Variants in PARD3 observed in about 807,000 individuals in gnomAD.
PARD3 encodes the protein par-3 family cell polarity regulator.
Under a neutral mutation model 155.4 loss-of-function variants are expected in PARD3, and 75 were observed. The ratio of observed to expected loss-of-function variants is 0.48; its 90% CI spans 0.40 to 0.58. The LOEUF (loss-of-function observed/expected upper bound fraction) is 0.58, where lower values mean the gene tolerates loss of function less well. Ranked by LOEUF, PARD3 falls within the 20% of genes least tolerant of loss-of-function variation. The pLI is 0.00. For missense variants in PARD3, 1,642 were observed against 1,721.7 expected, an observed-to-expected ratio of 0.95 and a Z score of 0.82; for synonymous variants, 576 against 610.5, an observed-to-expected ratio of 0.94 and a Z score of 0.83.
intron 2 of PARD3, among the ~76,000 whole-genome samples, chr10:34,611,807 CTTTTTTTTT>C (rs397829689): frequency 1.8e-5 from 2 of 109,236 alleles, no homozygotes; most frequent in South Asian, 3.2e-4. Flanking sequence ...ACATTTCTTT[CTTTTTTTTT>C]TTTTTTTTTT....
At chr10:34,512,022 C>T (rs1297263454) in intron 3 of PARD3, among the ~76,000 whole-genome samples, 2 of 152,184 alleles carry the variant, frequency 1.3e-5, no homozygotes, top group Non-Finnish European at 2.9e-5. Context: ...TTAGGCCACA[C>T]CTCCCAACAC....
At chr10:34,373,823 A>T (rs950176885) in intron 11 of PARD3, among the ~76,000 whole-genome samples, 1 of 151,852 alleles carries the variant, frequency 6.6e-6, no homozygotes, top group Non-Finnish European at 1.5e-5. Context: ...TATGACTAAA[A>T]TTTTTTCATT....
Position 34,341,750 on chromosome 10 carries a change from C to T in PARD3, c.2285G>A (p.Arg762Lys). The change falls in exon 16 of 25, where the codon AGG becomes AAG. Residue 762 changes from arginine (R) to lysine (K), a missense_variant. By Grantham distance (26) the Arg-to-Lys change is conservative. Transcript: ENST00000374788. Reference sequence around the variant, plus strand: ...GAGATGTGGAGGAAGCACTGGCAACCTGTCATCTTCTATAATGACAGTGTC... The same window carrying T: ...GAGATGTGGAGGAAGCACTGGCAACTTGTCATCTTCTATAATGACAGTGTC... ...QDDTVIIEDD[R>K]LPVLPPHLSD... 6.2e-7 allele frequency: 1 copy of T among 1,613,454 alleles called. No individual in the cohort carries two copies. The highest frequency in any genetic ancestry group is 2.2e-5 in the East Asian group (1 of 44,862).
chr10:34,787,948 AT>A lies in PARD3; in HGVS notation c.120+26927del, dbSNP rs1166169945. On this transcript the variant is annotated intron_variant, in intron 1 of 24. Coordinates refer to ENST00000374788, the MANE Select transcript of PARD3 (RefSeq NM_001184785.2). ...GGAACACAACCACCATGCCCAGCTAATTTTTTTTTTTTTTTTGTAGAGACAG... is the reference window on the plus strand; with the variant it reads ...GGAACACAACCACCATGCCCAGCTAATTTTTTTTTTTTTTTGTAGAGACAG... 9.4e-3 allele frequency among the ~76,000 whole-genome samples: 1,329 copies of A among 141,232 alleles called. 2 individuals are homozygous for A. The highest frequency in any genetic ancestry group is 0.038 in the Middle Eastern group (10 of 266). 92.7% of individuals were successfully genotyped at this position (141,232 alleles called of 152,430 possible).
chr10:34,377,703 G>A (rs1156473216), intron 10 of PARD3, among the ~76,000 whole-genome samples: 1 of 152,080 alleles, frequency 6.6e-6, no homozygotes, highest in Admixed American at 6.5e-5. Context: ...GAGGCAAGAG[G>A]ATCGCCTGAG....
chr10:34,650,915 G>GCAGGA (rs1200461139), intron 2 of PARD3, among the ~76,000 whole-genome samples: 1 of 149,804 alleles, frequency 6.7e-6, no homozygotes, highest in African/African-American at 2.5e-5. Flanking sequence ...GGAGGCTGAG[G>GCAGGA]CAGGAAAATC....
intron 1 of PARD3, among the ~76,000 whole-genome samples, chr10:34,751,885 A>C (rs374474788): frequency 1.3e-4 from 20 of 151,830 alleles, no homozygotes; most frequent in African/African-American, 4.6e-4. Context: ...TGGGATTACC[A>C]ACCTGGGCCA....
chr10:34,787,210 C>G (rs1841076363), intron 1 of PARD3, among the ~76,000 whole-genome samples: 1 of 152,110 alleles, frequency 6.6e-6, no homozygotes, highest in African/African-American at 2.4e-5. Context: ...AAAACCCCAA[C>G]TCTACTAACA....
At chr10:34,191,669 G>C (rs948897986) in intron 22 of PARD3, among the ~76,000 whole-genome samples, 5 of 150,498 alleles carry the variant, frequency 3.3e-5, no homozygotes, top group African/African-American at 1.2e-4. Context: ...TGAAGATGGG[G>C]TCTGGGAGCC....
chr10:34,655,485 G>T (rs1210922043), intron 2 of PARD3, among the ~76,000 whole-genome samples: 1 of 152,138 alleles, frequency 6.6e-6, no homozygotes, highest in East Asian at 1.9e-4. Context: ...CTGGAGAAAA[G>T]TGCAGAATGG....
intron 1 of PARD3, among the ~76,000 whole-genome samples, chr10:34,738,843 G>A (rs1181391108): frequency 1.3e-5 from 2 of 152,044 alleles, no homozygotes; most frequent in African/African-American, 4.8e-5. Flanking sequence ...TCAAGGGGAG[G>A]AAGCCTATTG....
At chr10:34,711,503 G>C (rs2094448624) in intron 1 of PARD3, among the ~76,000 whole-genome samples, 1 of 152,176 alleles carries the variant, frequency 6.6e-6, no homozygotes, top group African/African-American at 2.4e-5. Context: ...CCTGGGCACA[G>C]GGCGAGACTC....
At chr10:34,383,022 C>T (rs1392453861) in intron 8 of PARD3, 100 bp from the exon 9 acceptor site, 2 of 1,334,324 alleles carry the variant, frequency 1.5e-6, no homozygotes, top group African/African-American at 3.0e-5. Flanking sequence ...TAAGAACTGA[C>T]AGGCTGTTGA....
At chr10:34,148,107 G>T (rs1248875647) in intron 22 of PARD3, among the ~76,000 whole-genome samples, 1 of 152,176 alleles carries the variant, frequency 6.6e-6, no homozygotes, top group Non-Finnish European at 1.5e-5. Flanking sequence ...AGAATGAATA[G>T]AGAGAGATAC....
In PARD3 at chr10:34,228,239, T is replaced by C. The variant is rs566540201; in HGVS notation, c.3419+41418A>G. 1.0e-3 allele frequency among the ~76,000 whole-genome samples: 152 copies of C among 151,818 alleles called. 2 individuals are homozygous for C. In the East Asian group the frequency reaches 0.013, roughly 13 times the overall value. Reference sequence around the variant, plus strand: ...ACACATGGACACAAAGAGGGAACAATAGACACCGGGGCTTACTGGAGGGAG... The same window carrying C: ...ACACATGGACACAAAGAGGGAACAACAGACACCGGGGCTTACTGGAGGGAG... On this transcript the variant is annotated intron_variant, in intron 22 of 24. Transcript: ENST00000374788.
chr10:34,111,240 G>A lies in PARD3; in HGVS notation c.3991C>T (p.Pro1331Ser), dbSNP rs372887395. 1.9e-6 allele frequency: 3 copies of A among 1,611,756 alleles called. No homozygotes were observed. Among genetic ancestry groups the A allele is most frequent in the Non-Finnish European group, 2.5e-6 (3 of 1,178,064 alleles). ...AGCCTCGCAACCTGAGAAGGGGAGG[G>A]GGGCACATCTTGCCGGAAGGGCCCC... ...PKGPFRQDVP[P>S]SPSQVARLNR... Residue 1331 changes from proline to serine, a missense_variant, in exon 25 of 25, where the codon CCC becomes TCC. Physicochemically the swap from Pro to Ser is moderately conservative, Grantham distance 74 (BLOSUM62 -1). This residue lies in a region of PARD3 where 1,529 missense variants were observed against 1,587.3 expected (regional missense o/e 0.96). Transcript: ENST00000374788.
At chr10:34,771,664 T>C (rs762885337) in intron 1 of PARD3, among the ~76,000 whole-genome samples, 2 of 152,246 alleles carry the variant, frequency 1.3e-5, no homozygotes, top group Non-Finnish European at 2.9e-5. Flanking sequence ...CAGTTGTCAC[T>C]AACTCTTTTC....
chr10:34,466,022 C>T (rs988485658), intron 4 of PARD3, among the ~76,000 whole-genome samples: 2 of 152,138 alleles, frequency 1.3e-5, no homozygotes, highest in African/African-American at 4.8e-5. Flanking sequence ...ATATTAACCA[C>T]ATGTTAACTC....
At chr10:34,690,241 G>C (rs2094030920) in intron 2 of PARD3, among the ~76,000 whole-genome samples, 1 of 152,152 alleles carries the variant, frequency 6.6e-6, no homozygotes, top group African/African-American at 2.4e-5. Flanking sequence ...AGCATGCCCG[G>C]ATGGCCTCAC....
Sources: allele counts gnomAD v4.1 joint callset (sites outside exome capture counted in the v4.1 genomes callset), GRCh38; gene constraint gnomAD v4.1.1; regional missense constraint gnomAD v4.1.1; transcripts MANE v1.5; gene names NCBI Gene and HGNC (gene_info 2026-07-23, HGNC 2026-07-21).